Variants in PCNT observed in about 807,000 individuals in gnomAD.
The protein encoded by PCNT is pericentrin, also known as kendrin.
In PCNT, 319 loss-of-function variants were observed where a neutral mutation model predicts 380.4. The observed-to-expected ratio is 0.84, with a 90% CI of 0.77 to 0.92. The LOEUF is 0.92. Among genes scored for constraint, PCNT ranks in the 40% least tolerant of loss-of-function variants. The pLI is 0.00. For synonymous variants in PCNT, 1,845 were observed against 1,735.2 expected (o/e 1.06, Z -1.57); for missense variants, 4,400 against 4,255.3 (o/e 1.03, Z -0.95).
Position 46,334,769 on chromosome 21 carries a change from G to A in PCNT, c.639+1G>A, listed in dbSNP as rs757244091. 27 of 1,614,182 alleles carry A rather than the reference G, an allele frequency of 1.7e-5. No homozygotes were observed. Among genetic ancestry groups the A allele is most frequent in the Non-Finnish European group, 2.3e-5 (27 of 1,179,990 alleles). On this transcript the variant is annotated splice_donor_variant, in intron 3 of 46. Coordinates refer to ENST00000359568, the MANE Select transcript of PCNT (RefSeq NM_006031.6). LOFTEE classifies it high-confidence loss of function. ...AGAACAGCGTGGGATGTTCACAAAG[G>A]TATTCTTTAAGTTCTCTGTTAAGGT...
Position 46,326,403 on chromosome 21 carries a change from A to G in PCNT, c.81A>G (p.Thr27=). The G allele has an allele frequency of 5.6e-6, 9 of 1,614,200 alleles. No individual in the cohort carries two copies. Among genetic ancestry groups the G allele is most frequent in the Non-Finnish European group, 6.8e-6 (8 of 1,180,024 alleles). ...TTGCTCACTTCCGACAGAGAAAAAC[A>G]AAAGGTGACAGTTCGCATTCGGAGA... The part of the protein sequence containing the change: ...TKLAHFRQRK[T]KGDSSHSEKK... Residue 27 remains threonine, a synonymous_variant, in exon 2 of 47, where the codon ACA becomes ACG. Coordinates refer to ENST00000359568, the MANE Select transcript of PCNT (RefSeq NM_006031.6).
intron 35 of PCNT, 144 bp from the exon 36 acceptor site, chr21:46,429,866 A>G (rs2087677173): frequency 3.0e-6 from 2 of 669,210 alleles, no homozygotes; most frequent in East Asian, 5.5e-5. Context: ...TTCCACCCGC[A>G]GTGAAAGCTT....
intron 32 of PCNT, among the ~76,000 whole-genome samples, chr21:46,424,999 TTCA>T (rs1311648412): frequency 1.3e-5 from 2 of 152,194 alleles, no homozygotes; most frequent in African/African-American, 2.4e-5. Context: ...CGTCGTAGGC[TTCA>T]TCATTGCCTC....
Position 46,421,905 on chromosome 21 carries a change from AG to A in PCNT, c.7025-64del, listed in dbSNP as rs1412006129. 5.1e-6 allele frequency: 8 copies of A among 1,578,046 alleles called. No homozygotes were observed. The Admixed American group carries it at 6.7e-5, about 13-fold the overall frequency. ...CCGATCACCCCTGTCCTGCCTCTGC[AG>A]TGCGTCCCCTGGGGAACCCCCTGGA... On this transcript the variant is annotated intron_variant, in intron 31 of 46. Coordinates refer to ENST00000359568, the MANE Select transcript of PCNT (RefSeq NM_006031.6).
rs1021171072 is a variant in PCNT at position 46,324,434 on chromosome 21, G to C, written c.54+152G>C. The C allele has an allele frequency of 5.5e-6, 4 of 724,640 alleles. No homozygotes were observed. In the Admixed American group the frequency reaches 6.5e-5, roughly 12 times the overall value. The allele number at this position is 724,640 out of a possible 1,614,324, so 44.9% of individuals were successfully genotyped here. Reference sequence around the variant, plus strand: ...TTTCCCGCCGGCTCCGCTGGAAGCCGCCTCCTGGCCGCCGCCATCTTGAAT... The same window carrying C: ...TTTCCCGCCGGCTCCGCTGGAAGCCCCCTCCTGGCCGCCGCCATCTTGAAT... On this transcript the variant is annotated intron_variant, in intron 1 of 46. Coordinates refer to ENST00000359568, the MANE Select transcript of PCNT (RefSeq NM_006031.6).
At chr21:46,377,829 A>G (rs1366888097) in intron 15 of PCNT, among the ~76,000 whole-genome samples, 2 of 152,182 alleles carry the variant, frequency 1.3e-5, no homozygotes, top group Non-Finnish European at 2.9e-5. Flanking sequence ...GCTGCATGAC[A>G]GCAAAACGTT....
At position 46,365,789 on chromosome 21, in the gene PCNT, G is replaced by A. The variant is rs139543438; in HGVS notation, c.2610-795G>A. Among the ~76,000 whole-genome samples the A allele has an allele frequency of 3.2e-3, 467 of 146,314 alleles. 2 individuals are homozygous for A. The highest frequency in any genetic ancestry group is 9.7e-3 in the East Asian group (46 of 4,756). ...CCATGGAGTTCTGTTCACTCCCATA[G>A]GGTTCTATTCACTGCCATGGGGTTC... On this transcript the variant is annotated intron_variant, in intron 14 of 46. Transcript: ENST00000359568.
rs1373654802 is a variant in PCNT, at chr21:46,349,740, G to A, written c.1264G>A (p.Asp422Asn). The A allele has an allele frequency of 6.2e-7, 1 of 1,614,008 alleles. No homozygotes were observed. Among genetic ancestry groups the A allele is most frequent in the Non-Finnish European group, 8.5e-7 (1 of 1,179,870 alleles). ...HQAAIEKLRE[D>N]LQSEHGRCLE... ...AGCAGCCATTGAGAAGTTACGTGAA[G>A]ACCTGCAGTCCGAGCACGGCCGGTG... The change falls in exon 8 of 47, where the codon GAC becomes AAC. Residue 422 changes from aspartate (D) to asparagine (N), a missense_variant. Physicochemically the swap from Asp to Asn is conservative, Grantham distance 23. Transcript: ENST00000359568.
At chr21:46,381,863 T>A (rs2085555968) in intron 16 of PCNT, 23 bp downstream of exon 16, 2 of 1,613,248 alleles carry the variant, frequency 1.2e-6, no homozygotes, top group Non-Finnish European at 1.7e-6. Flanking sequence ...CGCTGTTCCC[T>A]TGTGATAAGA....
At chr21:46,437,244 G>C (rs896894043) in intron 40 of PCNT, among the ~76,000 whole-genome samples, 163 bp downstream of exon 40, 1 of 152,200 alleles carries the variant, frequency 6.6e-6, no homozygotes, top group Non-Finnish European at 1.5e-5. Flanking sequence ...GGTCGACCCT[G>C]TGGGCCGAGT....
Position 46,362,830 on chromosome 21 carries a change from G to T in PCNT, c.2155-650G>T, listed in dbSNP as rs2084766481. On this transcript the variant is annotated intron_variant, in intron 13 of 46. Coordinates refer to ENST00000359568, the MANE Select transcript of PCNT (RefSeq NM_006031.6). ...CGAGGCTGCAGTGAGCTGTGATTGT[G>T]CCCCTGCACTCCAGCCTGGGCGACA... 2.0e-5 allele frequency among the ~76,000 whole-genome samples: 3 copies of T among 151,316 alleles called. No individual in the cohort carries two copies. In the South Asian group the frequency reaches 6.3e-4, roughly 32 times the overall value.
intron 42 of PCNT, 108 bp from the exon 43 acceptor site, chr21:46,440,747 G>T: frequency 1.3e-6 from 1 of 775,926 alleles, no homozygotes; most frequent in East Asian, 2.5e-5. Flanking sequence ...TGATTTGATG[G>T]GAAAAAACAA....
intron 31 of PCNT, among the ~76,000 whole-genome samples, chr21:46,421,304 C>T (rs1602049778): frequency 2.8e-5 from 4 of 142,922 alleles, no homozygotes; most frequent in Admixed American, 2.0e-4. Context: ...TCCTCATCCT[C>T]CTGTTTTGAA....
At chr21:46,428,811 G>T (rs1228460346) in intron 35 of PCNT, among the ~76,000 whole-genome samples, 2 of 152,228 alleles carry the variant, frequency 1.3e-5, no homozygotes, top group African/African-American at 4.8e-5. Context: ...TGGGCCTGAT[G>T]TGGGCAAGAG....
At chr21:46,437,711 G>A (rs1241376232) in intron 40 of PCNT, among the ~76,000 whole-genome samples, 1 of 152,202 alleles carries the variant, frequency 6.6e-6, no homozygotes, top group African/African-American at 2.4e-5. Flanking sequence ...CAGGGGAGCT[G>A]CGCCGCTTAC....
intron 25 of PCNT, among the ~76,000 whole-genome samples, chr21:46,400,400 T>C (rs1232628485): frequency 1.3e-5 from 2 of 152,184 alleles, no homozygotes; most frequent in African/African-American, 4.8e-5. Flanking sequence ...CTGACTTCTA[T>C]GAGGTTAAAA....
chr21:46,412,345 G>A (rs1189208076), intron 28 of PCNT, among the ~76,000 whole-genome samples: 2 of 152,220 alleles, frequency 1.3e-5, no homozygotes, highest in Admixed American at 1.3e-4. Flanking sequence ...AATAGGGACT[G>A]TCCAGTGAAA....
rs1415645704 is a variant in PCNT at position 46,412,999 on chromosome 21, G to GGA, written c.6150+9_6150+10dup. The GGA allele has an allele frequency of 1.2e-6, 2 of 1,606,444 alleles. No individual in the cohort carries two copies. Among genetic ancestry groups the GGA allele is most frequent in the Non-Finnish European group, 1.7e-6 (2 of 1,179,844 alleles). On this transcript the variant is annotated splice_region_variant and intron_variant, in intron 29 of 46. Coordinates refer to ENST00000359568, the MANE Select transcript of PCNT (RefSeq NM_006031.6). Reference sequence around the variant, plus strand: ...TCTGGAGGACGGCGGCAAGGTGTGGGGAGGGGGGAAGGCGCGAGGTCCCCC... The same window carrying GGA: ...TCTGGAGGACGGCGGCAAGGTGTGGGGAGAGGGGGGAAGGCGCGAGGTCCCCC...
intron 3 of PCNT, 105 bp from the exon 4 acceptor site, chr21:46,346,023 G>T: frequency 9.3e-7 from 1 of 1,071,718 alleles, no homozygotes; most frequent in Non-Finnish European, 1.5e-6. Context: ...GCTGTGAACA[G>T]CTGCGAACGG....
Sources: allele counts gnomAD v4.1 joint callset (sites outside exome capture counted in the v4.1 genomes callset), GRCh38; gene constraint gnomAD v4.1.1; transcripts MANE v1.5; gene names NCBI Gene and HGNC (gene_info 2026-07-23, HGNC 2026-07-21).